The following MSH4 variants were observed in gnomAD, a reference collection of about 807,000 sequenced individuals.
MSH4 encodes mutS protein homolog 4.
Under a neutral mutation model 113.7 loss-of-function variants are expected in MSH4, and 106 were observed. The ratio of observed to expected loss-of-function variants is 0.93; its 90% confidence interval spans 0.80 to 1.10. The LOEUF (loss-of-function observed/expected upper bound fraction) is 1.10. MSH4 is among the 50% of genes least tolerant of loss of function. MSH4 has a pLI of 0.00. For missense variants in MSH4, 1,061 were observed against 1,093.7 expected (o/e 0.97, Z 0.42); for synonymous variants, 368 against 380.2 (o/e 0.97, Z 0.37).
intron 1 of MSH4, among the ~76,000 whole-genome samples, chr1:75,799,799 G>T (rs548837267): frequency 1.6e-4 from 25 of 152,252 alleles, no homozygotes; most frequent in Middle Eastern, 3.4e-3. Flanking sequence ...CTGGATAGAT[G>T]GTAGTAGTAT....
intron 19 of MSH4, among the ~76,000 whole-genome samples, chr1:75,911,717 AT>A (rs1652791217): frequency 6.6e-6 from 1 of 152,100 alleles, no homozygotes; most frequent in Non-Finnish European, 1.5e-5. Flanking sequence ...TAATAGACTA[AT>A]TGGTAATTGA....
chr1:75,878,086 T>C, intron 10 of MSH4, 63 bp from the exon 11 acceptor site: 1 of 1,249,478 alleles, frequency 8.0e-7, no homozygotes, highest in Non-Finnish European at 1.1e-6. Context: ...TGATTCAAAT[T>C]ATAAATTAAA....
chr1:75,881,478 G>GGCAAGAGAC, intron 14 of MSH4, 108 bp downstream of exon 14: 1 of 1,151,452 alleles, frequency 8.7e-7, no homozygotes, highest in Non-Finnish European at 1.2e-6. Flanking sequence ...TTGAAATAGA[G>GGCAAGAGAC]TCTCTTGCCT....
At chr1:75,888,160 C>T (rs1570991092) in intron 15 of MSH4, among the ~76,000 whole-genome samples, 1 of 151,200 alleles carries the variant, frequency 6.6e-6, no homozygotes, top group South Asian at 2.1e-4. Flanking sequence ...CTCCTTATTC[C>T]TCAGAGTTAA....
At chr1:75,810,027 A>C (rs926068602) in intron 3 of MSH4, among the ~76,000 whole-genome samples, 4 of 152,174 alleles carry the variant, frequency 2.6e-5, no homozygotes, top group African/African-American at 7.2e-5. Context: ...GAATTTATTT[A>C]AAAACAATTT....
At chr1:75,896,871 T>A (rs1397082876) in intron 17 of MSH4, among the ~76,000 whole-genome samples, 1 of 152,174 alleles carries the variant, frequency 6.6e-6, no homozygotes, top group African/African-American at 2.4e-5. Context: ...AATAGCTTAC[T>A]GTGTTCTAAA....
At chr1:75,886,013 T>C (rs569077520) in intron 15 of MSH4, among the ~76,000 whole-genome samples, 2,164 of 79,360 alleles carry the variant, frequency 0.027, 86 homozygotes, top group African/African-American at 0.056. Context: ...ATAGTATATA[T>C]GATGTATTAT....
intron 13 of MSH4, among the ~76,000 whole-genome samples, chr1:75,880,440 A>G (rs5745461): frequency 6.6e-6 from 1 of 152,050 alleles, no homozygotes; most frequent in Non-Finnish European, 1.5e-5. Flanking sequence ...TCAGTTTATT[A>G]TTTTCCTATG....
chr1:75,885,801 TG>T (rs1652079442), intron 15 of MSH4, among the ~76,000 whole-genome samples: 1 of 118,666 alleles, frequency 8.4e-6, no homozygotes, highest in Admixed American at 1.1e-4. Context: ...TACTATATAA[TG>T]TATTACATAT....
At chr1:75,904,283 T>G (rs1344088745) in intron 19 of MSH4, among the ~76,000 whole-genome samples, 1 of 152,094 alleles carries the variant, frequency 6.6e-6, no homozygotes, top group Admixed American at 6.6e-5. Context: ...TTGGTTGGGT[T>G]CTTAATTTAT....
chr1:75,800,285 A>G (rs1327351579), intron 1 of MSH4, among the ~76,000 whole-genome samples: 1 of 152,204 alleles, frequency 6.6e-6, no homozygotes, highest in Non-Finnish European at 1.5e-5. Context: ...ACACCTTTGT[A>G]AATATTCTCT....
intron 15 of MSH4, among the ~76,000 whole-genome samples, chr1:75,885,280 G>A (rs958230544): frequency 1.6e-4 from 19 of 117,056 alleles, no homozygotes; most frequent in Admixed American, 6.4e-4. Flanking sequence ...ATATAATACC[G>A]TATATATACT....
chr1:75,886,455 A>T (rs1441487498), intron 15 of MSH4, among the ~76,000 whole-genome samples: 1 of 122,582 alleles, frequency 8.2e-6, no homozygotes, highest in Non-Finnish European at 1.6e-5. Context: ...AATATATATG[A>T]TGTATTATAT....
At chr1:75,836,832 A>G (rs1426110995) in intron 7 of MSH4, among the ~76,000 whole-genome samples, 1 of 152,170 alleles carries the variant, frequency 6.6e-6, no homozygotes, top group Non-Finnish European at 1.5e-5. Context: ...GGCTCTTCAA[A>G]GATATGTTCT....
chr1:75,875,614 G>A (rs1651802261), intron 9 of MSH4, among the ~76,000 whole-genome samples: 3 of 152,062 alleles, frequency 2.0e-5, no homozygotes, highest in Non-Finnish European at 4.4e-5. Context: ...TGTTTCTGAT[G>A]TTTCATCTCA....
At chr1:75,860,632 C>T (rs760928106) in intron 8 of MSH4, among the ~76,000 whole-genome samples, 5 of 152,206 alleles carry the variant, frequency 3.3e-5, no homozygotes, top group East Asian at 1.9e-4. Context: ...CCGAGAGATC[C>T]GCTGTTAGTC....
At chr1:75,818,920 G>A (rs1032476677) in intron 6 of MSH4, among the ~76,000 whole-genome samples, 4 of 151,716 alleles carry the variant, frequency 2.6e-5, no homozygotes, top group African/African-American at 9.7e-5. Context: ...CCACCACCAT[G>A]CCCAGCTAAT....
chr1:75,899,954 A>G (rs1652472552), intron 19 of MSH4, among the ~76,000 whole-genome samples: 1 of 151,858 alleles, frequency 6.6e-6, no homozygotes, highest in African/African-American at 2.4e-5. Flanking sequence ...TTTAGTTTAT[A>G]AAATAATTAT....
At chr1:75,885,492 G>A in intron 15 of MSH4, among the ~76,000 whole-genome samples, 1 of 83,164 alleles carries the variant, frequency 1.2e-5, no homozygotes, top group Non-Finnish European at 2.5e-5. Context: ...CAAACACTGG[G>A]TACATATATA....
Sources: allele counts gnomAD v4.1 joint callset (sites outside exome capture counted in the v4.1 genomes callset), GRCh38; gene constraint gnomAD v4.1.1; transcripts MANE v1.5; gene names NCBI Gene and HGNC (gene_info 2026-07-23, HGNC 2026-07-21).